Variants in ASNS observed in about 807,000 individuals in gnomAD.
ASNS encodes asparagine synthetase (glutamine-hydrolyzing), also known as asparagine synthetase [glutamine-hydrolyzing].
A neutral mutation model predicts 62.6 loss-of-function variants in ASNS; 37 were observed. That is an observed-to-expected ratio of 0.59 (90% CI 0.45 to 0.78). The LOEUF is 0.78. Ranked by LOEUF, ASNS falls within the 30% of genes least tolerant of loss-of-function variation. ASNS has a pLI of 0.00. For missense variants in ASNS, 520 were observed against 682.4 expected (o/e 0.76, Z 2.65); for synonymous variants, 207 against 237.9 (o/e 0.87, Z 1.19).
At chr7:97,873,319 T>C (rs183371066), upstream of ASNS, among the ~76,000 whole-genome samples, 21 of 152,316 alleles carry the variant, frequency 1.4e-4, 1 homozygote, top group Admixed American at 2.6e-4. Flanking sequence ...TGAGAAATAG[T>C]AAAATTATAT....
upstream of ASNS, among the ~76,000 whole-genome samples, chr7:97,874,761 G>A (rs1792404103): frequency 6.6e-6 from 1 of 152,266 alleles, no homozygotes; most frequent in Non-Finnish European, 1.5e-5. Context: ...TAGGCACTTT[G>A]AACTACAGAT....
At chr7:97,891,376 A>G in the ASNS span, among the ~76,000 whole-genome samples, 1 of 152,156 alleles carries the variant, frequency 6.6e-6, no homozygotes, top group Non-Finnish European at 1.5e-5. Flanking sequence ...ACCAAACTGT[A>G]TCATTCTGCC....
At position 97,852,576 on chromosome 7, in the gene ASNS, A is replaced by T. The variant is rs1173605046; in HGVS notation, c.1477-108T>A. The T allele has an allele frequency of 9.4e-6, 10 of 1,061,360 alleles. No homozygotes were observed. In the African/African-American group the frequency reaches 1.4e-4, roughly 15 times the overall value. The allele number at this position is 1,061,360 out of a possible 1,614,324, so 65.7% of individuals were successfully genotyped here. On this transcript the variant is annotated intron_variant, in intron 12 of 12. Transcript: ENST00000394308. ...ATGTTAAGACGTGACTGTAACTTGT[A>T]TGAGACCCTTTGAATCACCCATCAC...
At chr7:97,896,733 CACACACACATATATATAT>C in the ASNS span, among the ~76,000 whole-genome samples, 1 of 26,254 alleles carries the variant, frequency 3.8e-5, no homozygotes, top group African/African-American at 9.0e-5. Flanking sequence ...CACACACACA[CACACACACATATATATAT>C]ATATATATAT....
the ASNS span, among the ~76,000 whole-genome samples, chr7:97,887,420 C>T: frequency 2.6e-5 from 4 of 152,224 alleles, no homozygotes; most frequent in African/African-American, 9.7e-5. Flanking sequence ...GTATCCAAGA[C>T]TCTGTCATTT....
At chr7:97,879,888 A>G in the ASNS span, among the ~76,000 whole-genome samples, 2 of 152,208 alleles carry the variant, frequency 1.3e-5, no homozygotes, top group African/African-American at 2.4e-5. Flanking sequence ...CGAAATGTAG[A>G]ACCTGGATTT....
chr7:97,855,072 G>A, intron 9 of ASNS: 1 of 395,346 alleles, frequency 2.5e-6, no homozygotes, highest in South Asian at 3.7e-5. Context: ...CAATCTCCTG[G>A]GTTCAGGTGA....
chr7:97,860,402 A>G (rs1791658574), intron 4 of ASNS, among the ~76,000 whole-genome samples: 2 of 152,222 alleles, frequency 1.3e-5, no homozygotes, highest in African/African-American at 4.8e-5. Context: ...AGTGATCATC[A>G]GGCTCAAAGA....
chr7:97,852,284 TGGGTCAGCGTGCGGGCAGAA>T lies in ASNS; in HGVS notation c.1641_1660del (p.Ser548LeufsTer16), dbSNP rs770968295. 6.2e-7 allele frequency: 1 copy of T among 1,614,110 alleles called. No homozygotes were observed. Among genetic ancestry groups the T allele is most frequent in the South Asian group, 1.1e-5 (1 of 91,086 alleles). ...CTAAGCTTTGACAGCTGACTTGTAG[TGGGTCAGCGTGCGGGCAGAA>T]GGGTCAGTGGCATTGATCCACTTGG... On this transcript the variant is annotated frameshift_variant, in exon 13 of 13. Transcript: ENST00000394308. LOFTEE classifies it high-confidence loss of function.
chr7:97,876,035 T>G (rs1792431175), upstream of ASNS, among the ~76,000 whole-genome samples: 1 of 152,084 alleles, frequency 6.6e-6, no homozygotes, highest in Non-Finnish European at 1.5e-5. Context: ...TTTTGTATTT[T>G]TAGTAGAGAT....
At position 97,854,528 on chromosome 7, in the gene ASNS, T is replaced by C. The variant is rs76174078; in HGVS notation, c.1238+52A>G. ...GGGTATTGAGCTTTTTGTTTTGTTT[T>C]GTTTTTGGTGTTTTTTTGTTTTTGT... On this transcript the variant is annotated intron_variant, in intron 10 of 12. Transcript: ENST00000394308. 6,627 of 1,584,354 alleles carry C rather than the reference T, an allele frequency of 4.2e-3. 229 individuals are homozygous for C. The African/African-American group carries it at 0.08, about 19-fold the overall frequency.
intron 3 of ASNS, among the ~76,000 whole-genome samples, chr7:97,867,600 C>G (rs1390863798): frequency 6.6e-6 from 1 of 152,120 alleles, no homozygotes; most frequent in African/African-American, 2.4e-5. Context: ...ATAATACCAC[C>G]TAGCGTTCTC....
chr7:97,858,738 GAAGGA>G (rs1339787101), intron 6 of ASNS, 111 bp downstream of exon 6: 1 of 1,002,988 alleles, frequency 1.0e-6, no homozygotes, highest in Non-Finnish European at 1.5e-6. Context: ...ATCCTATAAT[GAAGGA>G]AAGAGTAAAT....
At chr7:97,896,711 TACACAC>T in the ASNS span, among the ~76,000 whole-genome samples, 126 of 44,244 alleles carry the variant, frequency 2.8e-3, 3 homozygotes, top group African/African-American at 4.4e-3. Context: ...TGTATATATA[TACACAC>T]ACACACACAC....
At chr7:97,877,277 T>G (rs1204900396), upstream of ASNS, among the ~76,000 whole-genome samples, 2 of 152,046 alleles carry the variant, frequency 1.3e-5, no homozygotes, top group African/African-American at 4.8e-5. Flanking sequence ...GTATTTTTAG[T>G]AGAGACGGGG....
chr7:97,914,947 A>T, the ASNS span, among the ~76,000 whole-genome samples: 1 of 152,240 alleles, frequency 6.6e-6, no homozygotes, highest in African/African-American at 2.4e-5. Context: ...GGTAAGAGAG[A>T]GGCACTCAAG....
At chr7:97,900,890 G>A in the ASNS span, among the ~76,000 whole-genome samples, 14 of 151,962 alleles carry the variant, frequency 9.2e-5, no homozygotes, top group African/African-American at 3.1e-4. Flanking sequence ...CTTAAGAACT[G>A]ACTTTCCTGT....
intron 4 of ASNS, among the ~76,000 whole-genome samples, chr7:97,861,793 G>C (rs1355324729): frequency 6.6e-6 from 1 of 152,114 alleles, no homozygotes; most frequent in Non-Finnish European, 1.5e-5. Context: ...TTCAAATCAT[G>C]ATCATGGGAT....
the ASNS span, among the ~76,000 whole-genome samples, chr7:97,904,037 C>G: frequency 6.6e-6 from 1 of 151,938 alleles, no homozygotes. Flanking sequence ...TTCAAGAGTC[C>G]ATGGAATGTG....
Sources: allele counts gnomAD v4.1 joint callset (sites outside exome capture counted in the v4.1 genomes callset), GRCh38; gene constraint gnomAD v4.1.1; transcripts MANE v1.5; gene names NCBI Gene and HGNC (gene_info 2026-07-23, HGNC 2026-07-21).